Variants in WDR27 observed in about 807,000 individuals in gnomAD.
The protein encoded by WDR27 is WD repeat-containing protein 27.
A neutral mutation model predicts 114.4 loss-of-function variants in WDR27; 100 were observed. The observed-to-expected ratio is 0.87, with a 90% CI of 0.74 to 1.03. The LOEUF is 1.03. Among genes scored for constraint, WDR27 ranks in the 50% least tolerant of loss-of-function variants. WDR27 has a pLI of 0.00. For synonymous variants in WDR27, 449 were observed against 423.1 expected, an observed-to-expected ratio of 1.06 and a Z score of -0.75; for missense variants, 1,129 against 1,092.9, an observed-to-expected ratio of 1.03 and a Z score of -0.47.
chr6:169,449,891 C>A, the WDR27 span, among the ~76,000 whole-genome samples: 1 of 152,146 alleles, frequency 6.6e-6, no homozygotes, highest in African/African-American at 2.4e-5. Flanking sequence ...TAAACTACCA[C>A]AATATTTGAG....
At chr6:169,434,716 A>C in the WDR27 span, among the ~76,000 whole-genome samples, 6 of 152,324 alleles carry the variant, frequency 3.9e-5, no homozygotes, top group African/African-American at 1.4e-4. Flanking sequence ...TCAAGATGTG[A>C]CTTGTGTGCT....
chr6:169,439,395 G>A, the WDR27 span, among the ~76,000 whole-genome samples: 1 of 151,806 alleles, frequency 6.6e-6, no homozygotes, highest in South Asian at 2.1e-4. Context: ...TAATTTTTTG[G>A]TCATCTACAG....
chr6:169,469,757 C>A (rs984580395), intron 25 of WDR27, among the ~76,000 whole-genome samples: 9 of 152,156 alleles, frequency 5.9e-5, no homozygotes, highest in Non-Finnish European at 1.2e-4. Flanking sequence ...CATTCTGTTC[C>A]TCCTCTTTCT....
intron 25 of WDR27, among the ~76,000 whole-genome samples, chr6:169,480,317 AC>A (rs911807550): frequency 6.6e-6 from 1 of 151,068 alleles, no homozygotes; most frequent in Admixed American, 6.6e-5. Flanking sequence ...CCCGAGCCCC[AC>A]CCCTGCCACT....
At chr6:169,694,072 G>A (rs1380894293) in intron 1 of WDR27, among the ~76,000 whole-genome samples, 1 of 152,190 alleles carries the variant, frequency 6.6e-6, no homozygotes, top group Non-Finnish European at 1.5e-5. Flanking sequence ...CACTTTGGGA[G>A]GCCGAGGTGG....
At chr6:169,460,047 T>C (rs915825840) in intron 25 of WDR27, among the ~76,000 whole-genome samples, 1 of 152,168 alleles carries the variant, frequency 6.6e-6, no homozygotes. Context: ...GGTAAGTACA[T>C]GGGCAGTTAT....
At chr6:169,590,186 T>A (rs1018532447) in intron 23 of WDR27, among the ~76,000 whole-genome samples, 2 of 152,220 alleles carry the variant, frequency 1.3e-5, no homozygotes, top group African/African-American at 4.8e-5. Flanking sequence ...TCATTTTTCC[T>A]TTCACAGAGT....
At chr6:169,515,235 G>A (rs1793485023) in intron 25 of WDR27, among the ~76,000 whole-genome samples, 1 of 151,998 alleles carries the variant, frequency 6.6e-6, no homozygotes, top group Admixed American at 6.6e-5. Context: ...CGTGTGTGCA[G>A]CAAAAGAAAT....
At chr6:169,637,494 G>T (rs141641888) in intron 18 of WDR27, among the ~76,000 whole-genome samples, 6 of 152,268 alleles carry the variant, frequency 3.9e-5, no homozygotes, top group Admixed American at 3.3e-4. Context: ...GTATTAATAC[G>T]TGGCAAATAT....
chr6:169,471,584 T>C (rs1583621165), intron 25 of WDR27, among the ~76,000 whole-genome samples: 1 of 152,150 alleles, frequency 6.6e-6, no homozygotes, highest in Admixed American at 6.5e-5. Flanking sequence ...TGAAAACAGG[T>C]GTCCATAGAA....
intron 21 of WDR27, among the ~76,000 whole-genome samples, chr6:169,628,570 A>C (rs1371475888): frequency 6.6e-6 from 1 of 152,172 alleles, no homozygotes; most frequent in Admixed American, 6.5e-5. Context: ...TCCTCGTAAA[A>C]CCAAAAGTTT....
At chr6:169,542,994 T>C (rs1283409791) in intron 25 of WDR27, among the ~76,000 whole-genome samples, 3 of 152,010 alleles carry the variant, frequency 2.0e-5, no homozygotes, top group African/African-American at 7.2e-5. Context: ...ATTTTAGACT[T>C]ACAGAGCATC....
intron 25 of WDR27, among the ~76,000 whole-genome samples, chr6:169,516,558 G>A (rs952330517): frequency 7.2e-5 from 11 of 152,094 alleles, no homozygotes; most frequent in African/African-American, 2.7e-4. Flanking sequence ...GCTGCTTCCT[G>A]TTGGGGAAGA....
Position 169,659,621 on chromosome 6 carries a change from A to G in WDR27, c.1130-103T>C, listed in dbSNP as rs1329278033. 1 of 1,103,820 alleles carries G rather than the reference A, an allele frequency of 9.1e-7. No homozygotes were observed. The highest frequency in any genetic ancestry group is 1.3e-6 in the Non-Finnish European group (1 of 750,606). The allele number at this position is 1,103,820 out of a possible 1,614,324, so 68.4% of individuals were successfully genotyped here. A position where few individuals can be genotyped will look rare whatever the true frequency, so the allele number is the denominator to read the frequency against. ...CACCACACACAGCCCAGAGCCCACCACACACAGTCCAGGCCCCACCACACA... is the reference window on the plus strand; with the variant it reads ...CACCACACACAGCCCAGAGCCCACCGCACACAGTCCAGGCCCCACCACACA... On this transcript the variant is annotated intron_variant, in intron 10 of 25. Transcript: ENST00000448612. The surrounding 1 kb of genome is among the most constrained non-coding windows in gnomAD (Gnocchi z 4.3).
chr6:169,657,344 G>A (rs1259232418), intron 13 of WDR27, among the ~76,000 whole-genome samples: 2 of 152,234 alleles, frequency 1.3e-5, no homozygotes, highest in African/African-American at 4.8e-5. Flanking sequence ...CTCAAGGGCT[G>A]CGTGGGAGCA....
At chr6:169,645,847 G>T (rs1427567851) in intron 16 of WDR27, among the ~76,000 whole-genome samples, 2 of 133,164 alleles carry the variant, frequency 1.5e-5, no homozygotes, top group African/African-American at 6.3e-5. Flanking sequence ...TAGTTCACAG[G>T]GTCACACTGT....
the WDR27 span, among the ~76,000 whole-genome samples, chr6:169,433,205 A>G: frequency 1.3e-5 from 2 of 152,240 alleles, no homozygotes; most frequent in East Asian, 3.9e-4. Context: ...CTAGGTTTTA[A>G]GCCCCACATG....
chr6:169,621,650 CCACA>C (rs754210473), intron 21 of WDR27, among the ~76,000 whole-genome samples: 4 of 139,238 alleles, frequency 2.9e-5, no homozygotes, highest in East Asian at 4.3e-4. Context: ...ATATACATAC[CCACA>C]CATTCATTCA....
chr6:169,449,833 T>C, the WDR27 span, among the ~76,000 whole-genome samples: 2 of 152,094 alleles, frequency 1.3e-5, no homozygotes, highest in Admixed American at 1.3e-4. Flanking sequence ...TCGTGGAAAC[T>C]AACTAGGCCT....
Sources: gnomAD v4.1 joint callset for allele counts (sites outside exome capture counted in the v4.1 genomes callset) on GRCh38, gnomAD v4.1.1 for gene constraint, Gnocchi (gnomAD v3.1) non-coding constraint, MANE v1.5 for transcripts, NCBI Gene and HGNC (gene_info 2026-07-23, HGNC 2026-07-21) for gene names.